RASAL2: variants seen among roughly 807,000 people sequenced by gnomAD.
RASAL2 encodes ras GTPase-activating protein nGAP.
RASAL2 carries 58 observed loss-of-function variants against 128.9 expected under a neutral mutation model. The ratio of observed to expected loss-of-function variants is 0.45; its 90% CI spans 0.36 to 0.56. The LOEUF (loss-of-function observed/expected upper bound fraction) is 0.56. Among genes scored for constraint, RASAL2 ranks in the 20% least tolerant of loss-of-function variants. The pLI is 0.00. For missense variants in RASAL2, 1,360 were observed against 1,601.6 expected, an observed-to-expected ratio of 0.85 and a Z score of 2.57; for synonymous variants, 561 against 580.8, an observed-to-expected ratio of 0.97 and a Z score of 0.49.
chr1:178,409,284 C>T (rs528110784), intron 4 of RASAL2, among the ~76,000 whole-genome samples: 1 of 152,250 alleles, frequency 6.6e-6, no homozygotes, highest in East Asian at 1.9e-4. Flanking sequence ...AGATATCAGA[C>T]CTGCCCTGGG....
intron 3 of RASAL2, among the ~76,000 whole-genome samples, chr1:178,388,229 T>C (rs549009478): frequency 5.3e-5 from 8 of 152,284 alleles, no homozygotes; most frequent in East Asian, 1.9e-4. Context: ...CCTAGCCACA[T>C]AGAGTCATCT....
intron 1 of RASAL2, among the ~76,000 whole-genome samples, chr1:178,235,599 C>CGTGT (rs149134252): frequency 2.7e-5 from 4 of 149,972 alleles, no homozygotes; most frequent in African/African-American, 7.3e-5. Flanking sequence ...GCTTCGTGTG[C>CGTGT]GTGTGTGTGT....
intron 1 of RASAL2, among the ~76,000 whole-genome samples, chr1:178,137,409 G>T (rs903532371): frequency 6.6e-6 from 1 of 152,032 alleles, no homozygotes; most frequent in African/African-American, 2.4e-5. Flanking sequence ...AGGAAGTTGG[G>T]GATTGAGCAT....
chr1:178,202,614 G>A (rs1212202210), intron 1 of RASAL2, among the ~76,000 whole-genome samples: 11 of 152,296 alleles, frequency 7.2e-5, no homozygotes, highest in South Asian at 2.1e-4. Flanking sequence ...TGGTTTGGCC[G>A]GATGGTCAGG....
At chr1:178,224,290 A>G (rs562095983) in intron 1 of RASAL2, among the ~76,000 whole-genome samples, 2 of 151,990 alleles carry the variant, frequency 1.3e-5, no homozygotes, top group South Asian at 2.1e-4. Flanking sequence ...TTTTTGTTTA[A>G]AAATGATTTC....
chr1:178,121,250 A>C (rs1659706779), intron 1 of RASAL2, among the ~76,000 whole-genome samples: 1 of 152,098 alleles, frequency 6.6e-6, no homozygotes, highest in African/African-American at 2.4e-5. Context: ...TCCTTTCAAA[A>C]TATATTTTGT....
chr1:178,161,438 G>A (rs1255832724), intron 1 of RASAL2, among the ~76,000 whole-genome samples: 3 of 152,132 alleles, frequency 2.0e-5, no homozygotes, highest in South Asian at 2.1e-4. Flanking sequence ...CCATATTATA[G>A]CATGTATCAA....
At chr1:178,232,924 GGTT>G (rs925191157) in intron 1 of RASAL2, among the ~76,000 whole-genome samples, 4 of 152,060 alleles carry the variant, frequency 2.6e-5, no homozygotes, top group East Asian at 1.9e-4. Context: ...GGTGTTGGTG[GGTT>G]GTTGTTGTTT....
At chr1:178,319,622 C>A (rs1347798531) in intron 3 of RASAL2, among the ~76,000 whole-genome samples, 1 of 148,642 alleles carries the variant, frequency 6.7e-6, no homozygotes, top group East Asian at 1.9e-4. Context: ...ACGTAGTTCT[C>A]GAGCCTTGGT....
chr1:178,120,143 C>G (rs931941770), intron 1 of RASAL2, among the ~76,000 whole-genome samples: 1 of 152,126 alleles, frequency 6.6e-6, no homozygotes, highest in Non-Finnish European at 1.5e-5. Flanking sequence ...CTCCATGTGG[C>G]GAAGCAGTGT....
intron 1 of RASAL2, among the ~76,000 whole-genome samples, chr1:178,116,960 G>T (rs1241039027): frequency 6.6e-6 from 1 of 152,130 alleles, no homozygotes; most frequent in Admixed American, 6.6e-5. Context: ...GCCAAACATA[G>T]ACTTAAATAA....
At chr1:178,464,831 G>GTTTTTTTTTTGTTTTTTTT (rs1647492004) in intron 15 of RASAL2, among the ~76,000 whole-genome samples, 1 of 38,198 alleles carries the variant, frequency 2.6e-5, no homozygotes, top group African/African-American at 1.2e-4. Flanking sequence ...GGTTTTAGTT[G>GTTTTTTTTTTGTTTTTTTT]TTTTTTTTTT....
chr1:178,361,439 T>A (rs1260408152), intron 3 of RASAL2, among the ~76,000 whole-genome samples: 1 of 152,152 alleles, frequency 6.6e-6, no homozygotes, highest in Non-Finnish European at 1.5e-5. Context: ...TGCCAAAACA[T>A]TTCTGTAATA....
chr1:178,406,049 C>G (rs1375395264), intron 4 of RASAL2, among the ~76,000 whole-genome samples: 1 of 152,164 alleles, frequency 6.6e-6, no homozygotes, highest in East Asian at 1.9e-4. Flanking sequence ...CATTAACATC[C>G]CCTTAAAAAG....
intron 1 of RASAL2, among the ~76,000 whole-genome samples, chr1:178,143,557 A>T (rs1017111813): frequency 5.9e-5 from 9 of 152,178 alleles, no homozygotes; most frequent in Non-Finnish European, 7.3e-5. Flanking sequence ...TTGCAGAATA[A>T]TTGATAGAAT....
intron 1 of RASAL2, among the ~76,000 whole-genome samples, chr1:178,186,182 T>G (rs565654556): frequency 6.6e-6 from 1 of 152,254 alleles, no homozygotes; most frequent in African/African-American, 2.4e-5. Context: ...GTAACATTTA[T>G]TGTCCGCATA....
chr1:178,119,788 G>A (rs1659650431), intron 1 of RASAL2, among the ~76,000 whole-genome samples: 1 of 152,136 alleles, frequency 6.6e-6, no homozygotes, highest in South Asian at 2.1e-4. Context: ...GCCTACCACG[G>A]TGACTCACTA....
chr1:178,456,259 C>T lies in RASAL2; in HGVS notation c.2212-462C>T, dbSNP rs1328534259. On this transcript the variant is annotated intron_variant, in intron 12 of 17. Coordinates refer to ENST00000367649, the MANE Select transcript of RASAL2 (RefSeq NM_170692.4). ...TTATATGTTGGCATGCATTTCTTTT[C>T]TCACATGATCCCTTTTCTTTGAAAG... is the stretch of plus-strand genomic sequence containing the variant. Among the ~76,000 whole-genome samples the T allele has an allele frequency of 3.2e-4, 48 of 152,154 alleles. 1 individual carries two copies. Among genetic ancestry groups the T allele is most frequent in the Admixed American group, 3.1e-3 (48 of 15,280 alleles).
chr1:178,268,059 T>G (rs1427330660), intron 1 of RASAL2, among the ~76,000 whole-genome samples: 1 of 151,854 alleles, frequency 6.6e-6, no homozygotes, highest in African/African-American at 2.4e-5. Context: ...AGGCCAGGCA[T>G]AGTGGTTCAC....
Sources: gnomAD v4.1 joint callset for allele counts (sites outside exome capture counted in the v4.1 genomes callset) on GRCh38, gnomAD v4.1.1 for gene constraint, MANE v1.5 for transcripts, NCBI Gene and HGNC (gene_info 2026-07-23, HGNC 2026-07-21) for gene names.